The following ZBBX variants were observed in gnomAD, a reference collection of about 807,000 sequenced individuals.
ZBBX encodes the protein zinc finger B-box domain-containing protein 1.
ZBBX carries 101 observed loss-of-function variants against 108.5 expected under a neutral mutation model. The ratio of observed to expected loss-of-function variants is 0.93; its 90% CI spans 0.79 to 1.10. The LOEUF is 1.10. ZBBX is among the 50% of genes least tolerant of loss of function. The pLI is 0.00. For missense variants in ZBBX, 1,009 were observed against 941.4 expected (o/e 1.07, Z -0.94); for synonymous variants, 356 against 323.4 (o/e 1.10, Z -1.08).
intron 16 of ZBBX, among the ~76,000 whole-genome samples, chr3:167,306,649 C>T (rs986055134): frequency 2.6e-5 from 4 of 152,160 alleles, no homozygotes; most frequent in Admixed American, 2.6e-4. Context: ...AGGCATTGGT[C>T]TTTTGAACTT....
intron 17 of ZBBX, among the ~76,000 whole-genome samples, chr3:167,304,460 T>C (rs1363472153): frequency 1.3e-5 from 2 of 152,186 alleles, no homozygotes; most frequent in Non-Finnish European, 2.9e-5. Context: ...TAAGCCCATC[T>C]GAAGTGGAGC....
chr3:167,208,676 C>T, the ZBBX span, among the ~76,000 whole-genome samples: 1 of 152,198 alleles, frequency 6.6e-6, no homozygotes. Flanking sequence ...CGGATTACTT[C>T]CCATAGGCTT....
chr3:167,275,303 G>A (rs896513214), intron 20 of ZBBX, among the ~76,000 whole-genome samples: 8 of 152,248 alleles, frequency 5.3e-5, no homozygotes, highest in East Asian at 3.9e-4. Context: ...GAACAGCTCC[G>A]GTCTACAGCT....
intron 20 of ZBBX, among the ~76,000 whole-genome samples, chr3:167,249,435 G>A (rs746126979): frequency 6.6e-6 from 1 of 152,120 alleles, no homozygotes; most frequent in Non-Finnish European, 1.5e-5. Flanking sequence ...AGCTACCTCT[G>A]ACCCTGTTAC....
intron 4 of ZBBX, among the ~76,000 whole-genome samples, chr3:167,372,124 T>C (rs926895158): frequency 6.6e-6 from 1 of 152,090 alleles, no homozygotes; most frequent in Non-Finnish European, 1.5e-5. Context: ...GGCAGGAGAA[T>C]TGCCTGAGGC....
chr3:167,386,119 T>C (rs2108634781), intron 1 of ZBBX, among the ~76,000 whole-genome samples: 1 of 151,616 alleles, frequency 6.6e-6, no homozygotes, highest in East Asian at 1.9e-4. Context: ...ATTCTGTCAT[T>C]TGGACAGAAG....
chr3:167,217,349 A>G, the ZBBX span, among the ~76,000 whole-genome samples: 1 of 152,172 alleles, frequency 6.6e-6, no homozygotes, highest in Non-Finnish European at 1.5e-5. Flanking sequence ...ATGAAAGCCA[A>G]CAATCATATG....
At chr3:167,255,833 T>A (rs1723410009) in intron 20 of ZBBX, among the ~76,000 whole-genome samples, 1 of 152,126 alleles carries the variant, frequency 6.6e-6, no homozygotes, top group Non-Finnish European at 1.5e-5. Context: ...TAGTTATTTT[T>A]AAATGTACAA....
intron 1 of ZBBX, among the ~76,000 whole-genome samples, chr3:167,400,895 A>G (rs1748405049): frequency 6.6e-6 from 1 of 152,172 alleles, no homozygotes; most frequent in South Asian, 2.1e-4. Context: ...AAAGAAGGCA[A>G]TAACATATGC....
At chr3:167,265,032 G>A (rs952593341) in intron 20 of ZBBX, among the ~76,000 whole-genome samples, 1 of 152,214 alleles carries the variant, frequency 6.6e-6, no homozygotes, top group Non-Finnish European at 1.5e-5. Flanking sequence ...ATCTAGGTCT[G>A]GACTTCAGGT....
At chr3:167,368,171 C>T (rs1471550791) in intron 5 of ZBBX, among the ~76,000 whole-genome samples, 1 of 151,050 alleles carries the variant, frequency 6.6e-6, no homozygotes, top group Non-Finnish European at 1.5e-5. Flanking sequence ...ATAAACATTC[C>T]AGACCATAAA....
At chr3:167,288,798 G>T in intron 19 of ZBBX, 69 bp downstream of exon 19, 3 of 1,009,670 alleles carry the variant, frequency 3.0e-6, no homozygotes, top group Non-Finnish European at 2.8e-6. Context: ...CTACTAAACT[G>T]CTAAAAAAGC....
Position 167,346,464 on chromosome 3 carries a change from A to C in ZBBX, c.528+3956T>G, listed in dbSNP as rs182140406. 6.6e-5 allele frequency among the ~76,000 whole-genome samples: 10 copies of C among 152,022 alleles called. No homozygotes were observed. The East Asian group carries it at 1.7e-3, about 26-fold the overall frequency. The stretch of plus-strand genomic sequence containing the variant: ...CATACTGACTAAACTCACAGGACCT[A>C]CTGGGCTGTTGGATAAAGGCTGAAA... On this transcript the variant is annotated intron_variant, in intron 9 of 21. Transcript: ENST00000675490.
upstream of ZBBX, among the ~76,000 whole-genome samples, chr3:167,384,954 G>T (rs1747861528): frequency 6.6e-6 from 1 of 152,004 alleles, no homozygotes; most frequent in East Asian, 1.9e-4. Flanking sequence ...AATTGTTGGT[G>T]TATATATGGG....
chr3:167,242,755 A>G (rs1001185531), intron 20 of ZBBX, 112 bp from the exon 21 acceptor site: 1 of 966,238 alleles, frequency 1.0e-6, no homozygotes, highest in Non-Finnish European at 1.4e-6. Flanking sequence ...AAAGAAGGTC[A>G]GCATAGATTT....
At chr3:167,393,902 T>C (rs74981475) in intron 1 of ZBBX, among the ~76,000 whole-genome samples, 2,872 of 151,962 alleles carry the variant, frequency 0.019, 99 homozygotes, top group African/African-American at 0.066. Context: ...ATCCATAAAA[T>C]GTTTCTTGTA....
chr3:167,348,827 A>G (rs1252826679), intron 9 of ZBBX, among the ~76,000 whole-genome samples: 1 of 152,068 alleles, frequency 6.6e-6, no homozygotes, highest in African/African-American at 2.4e-5. Context: ...CAAATTTCCA[A>G]CCTACAATGA....
At chr3:167,340,370 CA>C (rs1282896645) in intron 9 of ZBBX, among the ~76,000 whole-genome samples, 1 of 152,004 alleles carries the variant, frequency 6.6e-6, no homozygotes, top group East Asian at 1.9e-4. Context: ...ATAAACCCAT[CA>C]AATTTCCACT....
At chr3:167,288,807 G>A (rs1730162591) in intron 19 of ZBBX, 60 bp downstream of exon 19, 7 of 1,177,896 alleles carry the variant, frequency 5.9e-6, no homozygotes, top group Non-Finnish European at 6.9e-6. Flanking sequence ...TGCTAAAAAA[G>A]CAAACTACTA....
Sources: allele counts gnomAD v4.1 joint callset (sites outside exome capture counted in the v4.1 genomes callset), GRCh38; gene constraint gnomAD v4.1.1; transcripts MANE v1.5; gene names NCBI Gene and HGNC (gene_info 2026-07-23, HGNC 2026-07-21).